Variants in CDH18 observed in about 807,000 individuals in gnomAD.
CDH18 encodes cadherin-18.
Under a neutral mutation model 67.9 loss-of-function variants are expected in CDH18, and 31 were observed. That is an observed-to-expected ratio of 0.46 (90% CI 0.34 to 0.62). The LOEUF (loss-of-function observed/expected upper bound fraction) is 0.62. Among genes scored for constraint, CDH18 ranks in the 20% least tolerant of loss-of-function variants. The pLI is 0.01. For synonymous variants in CDH18, 362 were observed against 347.2 expected (o/e 1.04, Z -0.48); for missense variants, 890 against 975.5 (o/e 0.91, Z 1.17).
At chr5:20,171,414 T>C (rs1478542638) in intron 2 of CDH18, among the ~76,000 whole-genome samples, 1 of 152,140 alleles carries the variant, frequency 6.6e-6, no homozygotes, top group African/African-American at 2.4e-5. Context: ...TTCTGAGTCA[T>C]GAAATATGGT....
At chr5:19,906,837 C>T (rs888362872) in intron 2 of CDH18, among the ~76,000 whole-genome samples, 4 of 151,962 alleles carry the variant, frequency 2.6e-5, no homozygotes, top group African/African-American at 4.8e-5. Flanking sequence ...CACAACCAAT[C>T]AAGACACAAC....
chr5:19,721,710 G>T (rs746666499), intron 4 of CDH18, among the ~76,000 whole-genome samples: 3 of 152,058 alleles, frequency 2.0e-5, no homozygotes, highest in Non-Finnish European at 2.9e-5. Flanking sequence ...TTATGTGTTG[G>T]TAACATTGTG....
intron 8 of CDH18, among the ~76,000 whole-genome samples, chr5:19,558,343 T>C (rs1261298208): frequency 3.3e-5 from 5 of 151,788 alleles, no homozygotes; most frequent in Non-Finnish European, 1.5e-5. Context: ...ATACAATAGA[T>C]AAATGAAACA....
chr5:19,694,886 A>AAG (rs1554006135), intron 5 of CDH18, among the ~76,000 whole-genome samples: 1 of 151,546 alleles, frequency 6.6e-6, no homozygotes, highest in Non-Finnish European at 1.5e-5. Context: ...AAAAAAAAAA[A>AAG]AGATAAGGTT....
intron 8 of CDH18, among the ~76,000 whole-genome samples, chr5:19,552,436 G>A (rs1737623804): frequency 6.6e-6 from 1 of 152,096 alleles, no homozygotes; most frequent in South Asian, 2.1e-4. Flanking sequence ...CTACTTTGTG[G>A]TGTATCTTGT....
At chr5:19,815,688 T>C (rs929982997) in intron 3 of CDH18, among the ~76,000 whole-genome samples, 1 of 151,970 alleles carries the variant, frequency 6.6e-6, no homozygotes, top group African/African-American at 2.4e-5. Flanking sequence ...AGGAACTGGA[T>C]ATCTCAATTT....
chr5:19,791,059 T>G (rs1776300185), intron 3 of CDH18, among the ~76,000 whole-genome samples: 1 of 152,168 alleles, frequency 6.6e-6, no homozygotes, highest in African/African-American at 2.4e-5. Context: ...AGTCCAGTTT[T>G]GTTCAGGTTA....
At chr5:19,815,261 A>G (rs1021052268) in intron 3 of CDH18, among the ~76,000 whole-genome samples, 1 of 151,982 alleles carries the variant, frequency 6.6e-6, no homozygotes, top group East Asian at 1.9e-4. Flanking sequence ...ATTTTACATG[A>G]CACCATGTCA....
chr5:19,894,028 T>G (rs1331744404), intron 2 of CDH18, among the ~76,000 whole-genome samples: 1 of 152,160 alleles, frequency 6.6e-6, no homozygotes, highest in African/African-American at 2.4e-5. Context: ...TTAAAAATTA[T>G]TTATCTTAAA....
At chr5:20,213,028 C>G (rs996594058) in intron 2 of CDH18, among the ~76,000 whole-genome samples, 2 of 152,130 alleles carry the variant, frequency 1.3e-5, no homozygotes, top group Non-Finnish European at 2.9e-5. Context: ...TAGATTTCAG[C>G]CTATCCCAGC....
At chr5:19,708,865 A>C (rs956923089) in intron 5 of CDH18, among the ~76,000 whole-genome samples, 1 of 151,734 alleles carries the variant, frequency 6.6e-6, no homozygotes. Flanking sequence ...CCCACTCCCC[A>C]CTGTATATTT....
intron 4 of CDH18, among the ~76,000 whole-genome samples, chr5:19,737,100 C>T (rs1047911021): frequency 3.3e-5 from 5 of 152,264 alleles, no homozygotes; most frequent in South Asian, 2.1e-4. Flanking sequence ...CTTCCACATG[C>T]GGCCTTCTCT....
intron 2 of CDH18, among the ~76,000 whole-genome samples, chr5:20,105,261 A>G (rs142964901): frequency 1.3e-5 from 2 of 152,308 alleles, no homozygotes; most frequent in African/African-American, 4.8e-5. Flanking sequence ...TGCTGGGATT[A>G]TAGGCATGAG....
chr5:20,370,716 G>C (rs1030974319), intron 1 of CDH18, among the ~76,000 whole-genome samples: 2 of 152,108 alleles, frequency 1.3e-5, no homozygotes, highest in Admixed American at 6.6e-5. Context: ...TTTTGAGAGG[G>C]CTATGAGAGA....
At chr5:19,698,396 C>A (rs533692997) in intron 5 of CDH18, among the ~76,000 whole-genome samples, 2 of 151,988 alleles carry the variant, frequency 1.3e-5, no homozygotes, top group Admixed American at 1.3e-4. Context: ...TAAAACTAGG[C>A]CTTGGAATCC....
chr5:19,987,719 A>G (rs1240338657), intron 1 of CDH18, among the ~76,000 whole-genome samples: 1 of 152,196 alleles, frequency 6.6e-6, no homozygotes, highest in Admixed American at 6.5e-5. Flanking sequence ...ACAGATAGAC[A>G]TAAATGACAG....
chr5:19,826,938 A>G (rs1054832462), intron 3 of CDH18, among the ~76,000 whole-genome samples: 3 of 152,166 alleles, frequency 2.0e-5, no homozygotes, highest in African/African-American at 7.2e-5. Context: ...CAGAGTGGTA[A>G]GTGAGATGAA....
chr5:20,193,172 A>T (rs1738683810), intron 2 of CDH18, among the ~76,000 whole-genome samples: 1 of 152,084 alleles, frequency 6.6e-6, no homozygotes. Flanking sequence ...GGTGTGAAAT[A>T]ATTAACAAAA....
chr5:20,402,560 C>A (rs1170359981), intron 1 of CDH18, among the ~76,000 whole-genome samples: 2 of 152,106 alleles, frequency 1.3e-5, no homozygotes, highest in Non-Finnish European at 2.9e-5. Flanking sequence ...TATTGGTTTC[C>A]CAGTGCATTA....
Sources: gnomAD v4.1 joint callset for allele counts (sites outside exome capture counted in the v4.1 genomes callset) on GRCh38, gnomAD v4.1.1 for gene constraint, MANE v1.5 for transcripts, NCBI Gene and HGNC (gene_info 2026-07-23, HGNC 2026-07-21) for gene names.